Variants in PDE11A observed in about 807,000 individuals in gnomAD.
PDE11A encodes dual 3',5'-cyclic-AMP and -GMP phosphodiesterase 11A.
In PDE11A, 100 loss-of-function variants were observed where a neutral mutation model predicts 100.5. The ratio of observed to expected loss-of-function variants is 1.00; its 90% CI spans 0.85 to 1.18. The LOEUF (loss-of-function observed/expected upper bound fraction) is 1.18. Ranked by LOEUF, PDE11A falls within the 50% of genes most tolerant of loss-of-function variation. The probability of loss-of-function intolerance (pLI) is 0.00; values close to 1 mark genes in which losing one functional copy is unlikely to be tolerated. For synonymous variants in PDE11A, 381 were observed against 420.8 expected (o/e 0.91, Z 1.16); for missense variants, 1,141 against 1,152.6 (o/e 0.99, Z 0.15).
At chr2:178,075,251 C>T (rs1030379618), upstream of PDE11A, among the ~76,000 whole-genome samples, 3 of 151,992 alleles carry the variant, frequency 2.0e-5, no homozygotes, top group Non-Finnish European at 4.4e-5. Flanking sequence ...GCAATGACAG[C>T]CCATCAAAAG....
rs10209050 is a variant in PDE11A at position 177,670,232 on chromosome 2, A to G, written c.2488-665T>C. On this transcript the variant is annotated intron_variant, in intron 17 of 19. Coordinates refer to ENST00000286063, the MANE Select transcript of PDE11A (RefSeq NM_016953.4). ...TCAGGCTGTCTGGATCTACGCACTA[A>G]AAGTGTTAATTTATGGTAGGCTCTA... is the stretch of plus-strand genomic sequence containing the variant. Among the ~76,000 whole-genome samples, 680 of 152,266 alleles carry G rather than the reference A, an allele frequency of 4.5e-3. 4 individuals are homozygous for G. Among genetic ancestry groups the G allele is most frequent in the African/African-American group, 0.016 (652 of 41,558 alleles).
Position 177,626,671 on chromosome 2 carries a change from T to A in PDE11A, c.*2736A>T, listed in dbSNP as rs2079837543. ...TTACCTGCTCTGCAGAGGCAGTTTC[T>A]TCCTGCATTCATTTCCCCCTCTACT... On this transcript the variant is annotated 3_prime_UTR_variant, in exon 20 of 20. Coordinates refer to ENST00000286063, the MANE Select transcript of PDE11A (RefSeq NM_016953.4). The A allele has an allele frequency of 6.6e-6, 1 of 152,584 alleles. No individual in the cohort carries two copies. 9.5% of individuals were successfully genotyped at this position (152,584 alleles called of 1,614,324 possible). A position where few individuals can be genotyped will look rare whatever the true frequency, so the allele number is the denominator to read the frequency against.
At chr2:178,045,917 T>C (rs1400325419) in intron 1 of PDE11A, among the ~76,000 whole-genome samples, 1 of 152,222 alleles carries the variant, frequency 6.6e-6, no homozygotes, top group Non-Finnish European at 1.5e-5. Flanking sequence ...CTTGAACATG[T>C]GAACAGAACC....
chr2:177,708,572 G>C lies in PDE11A; in HGVS notation c.2153+3197C>G, dbSNP rs571993610. On this transcript the variant is annotated intron_variant, in intron 13 of 19. Transcript: ENST00000286063. ...AATAATATATATTTAACAAACCCCC[G>C]TTACACATGGTTACCTATGTAACAA... 2.6e-3 allele frequency among the ~76,000 whole-genome samples: 403 copies of C among 152,176 alleles called. 2 individuals are homozygous for C. Among genetic ancestry groups the C allele is most frequent in the Middle Eastern group, 0.01 (3 of 294 alleles).
At chr2:177,728,972 C>T (rs2081643354) in intron 10 of PDE11A, among the ~76,000 whole-genome samples, 2 of 152,128 alleles carry the variant, frequency 1.3e-5, no homozygotes. Context: ...TTACCATATT[C>T]TTTGGATCAC....
intron 6 of PDE11A, among the ~76,000 whole-genome samples, chr2:177,821,368 T>A (rs1401060624): frequency 6.6e-6 from 1 of 151,528 alleles, no homozygotes; most frequent in Non-Finnish European, 1.5e-5. Context: ...AATGAACAGA[T>A]CTATGCAACT....
At chr2:177,804,521 T>A (rs2105558447) in intron 9 of PDE11A, among the ~76,000 whole-genome samples, 1 of 152,018 alleles carries the variant, frequency 6.6e-6, no homozygotes, top group Admixed American at 6.6e-5. Context: ...TGGAGATTTC[T>A]CAAAGAACTA....
intron 5 of PDE11A, among the ~76,000 whole-genome samples, chr2:177,872,841 G>C (rs2084162273): frequency 6.6e-6 from 1 of 151,878 alleles, no homozygotes. Flanking sequence ...ACTTGTCTTG[G>C]TTCCTTTAAC....
chr2:177,808,246 G>C (rs1315274479), intron 9 of PDE11A, among the ~76,000 whole-genome samples: 1 of 152,154 alleles, frequency 6.6e-6, no homozygotes. Flanking sequence ...GTATCTACTG[G>C]TGTGCTACAT....
At chr2:177,831,593 G>A (rs950551444) in intron 6 of PDE11A, among the ~76,000 whole-genome samples, 6 of 152,216 alleles carry the variant, frequency 3.9e-5, no homozygotes, top group African/African-American at 7.2e-5. Context: ...ATGCACACAA[G>A]TGGGTGTATT....
intron 1 of PDE11A, among the ~76,000 whole-genome samples, chr2:178,064,131 T>A (rs1409176464): frequency 6.6e-6 from 1 of 152,190 alleles, no homozygotes; most frequent in African/African-American, 2.4e-5. Flanking sequence ...ATATTATAGC[T>A]AAAAAACTAA....
intron 13 of PDE11A, among the ~76,000 whole-genome samples, chr2:177,703,611 C>G (rs1329448925): frequency 6.6e-6 from 1 of 152,194 alleles, no homozygotes; most frequent in Non-Finnish European, 1.5e-5. Flanking sequence ...ATGCACCTCA[C>G]TTACTAGTGT....
intron 12 of PDE11A, among the ~76,000 whole-genome samples, chr2:177,719,076 G>A (rs2081486553): frequency 6.6e-6 from 1 of 152,164 alleles, no homozygotes; most frequent in Non-Finnish European, 1.5e-5. Context: ...GTGGAAGACA[G>A]AACTGGTAGG....
intron 6 of PDE11A, among the ~76,000 whole-genome samples, chr2:177,828,508 T>C (rs1435031448): frequency 6.6e-6 from 1 of 152,136 alleles, no homozygotes; most frequent in African/African-American, 2.4e-5. Context: ...AAATTATATG[T>C]TAGAAGATGT....
intron 10 of PDE11A, among the ~76,000 whole-genome samples, chr2:177,737,249 A>G (rs1574092871): frequency 6.6e-6 from 1 of 150,482 alleles, no homozygotes; most frequent in South Asian, 2.1e-4. Flanking sequence ...TCAAAATAAA[A>G]TAAAAATAAA....
chr2:177,951,123 G>A (rs907799777), intron 2 of PDE11A, among the ~76,000 whole-genome samples: 5 of 152,124 alleles, frequency 3.3e-5, no homozygotes, highest in East Asian at 1.9e-4. Context: ...TCTGAGCTAA[G>A]TGTAAACAAG....
At chr2:177,848,175 T>G (rs1181975798) in intron 5 of PDE11A, among the ~76,000 whole-genome samples, 1 of 152,232 alleles carries the variant, frequency 6.6e-6, no homozygotes, top group African/African-American at 2.4e-5. Flanking sequence ...TAATTTCACT[T>G]GTCCATATTT....
intron 19 of PDE11A, 99 bp downstream of exon 19, chr2:177,663,767 T>A: frequency 1.3e-6 from 1 of 773,758 alleles, no homozygotes. Flanking sequence ...GCAATGTGCA[T>A]ACCCTGGAAA....
At chr2:177,644,435 C>T (rs569382842) in intron 19 of PDE11A, among the ~76,000 whole-genome samples, 32 of 152,316 alleles carry the variant, frequency 2.1e-4, no homozygotes, top group African/African-American at 7.5e-4. Flanking sequence ...GGGCCTTTAG[C>T]CCCTTTGTTT....
Sources: gnomAD v4.1 joint callset for allele counts (sites outside exome capture counted in the v4.1 genomes callset) on GRCh38, gnomAD v4.1.1 for gene constraint, MANE v1.5 for transcripts, NCBI Gene and HGNC (gene_info 2026-07-23, HGNC 2026-07-21) for gene names.